The following CSMD3 variants were observed in gnomAD, a reference collection of about 807,000 sequenced individuals.
CSMD3 encodes the protein CUB and sushi domain-containing protein 3.
CSMD3 carries 177 observed loss-of-function variants against 435.2 expected under a neutral mutation model. That is an observed-to-expected ratio of 0.41 (90% confidence interval 0.36 to 0.46). CSMD3 has a LOEUF of 0.46. Ranked by LOEUF, CSMD3 falls within the 20% of genes least tolerant of loss-of-function variation. The pLI, the probability that CSMD3 is intolerant of heterozygous loss-of-function variation, is 0.34. For missense variants in CSMD3, 4,265 were observed against 4,504.6 expected (o/e 0.95, Z 1.52); for synonymous variants, 1,656 against 1,520.5 (o/e 1.09, Z -2.07).
At chr8:112,546,148 G>A (rs1165462481) in intron 27 of CSMD3, among the ~76,000 whole-genome samples, 1 of 152,154 alleles carries the variant, frequency 6.6e-6, no homozygotes, top group Non-Finnish European at 1.5e-5. Context: ...TAGACCTCTG[G>A]ATGTATATAA....
chr8:113,070,443 T>G (rs1310917894), intron 5 of CSMD3, among the ~76,000 whole-genome samples: 1 of 152,012 alleles, frequency 6.6e-6, no homozygotes, highest in African/African-American at 2.4e-5. Flanking sequence ...TGCTTTTGTG[T>G]GGGGGGAGGG....
intron 10 of CSMD3, among the ~76,000 whole-genome samples, chr8:112,899,998 AT>A (rs1564082329): frequency 6.6e-6 from 1 of 151,128 alleles, no homozygotes; most frequent in Non-Finnish European, 1.5e-5. Context: ...CTGATTTCTT[AT>A]TTGTAATTCC....
rs575082800 is a variant in CSMD3 at position 113,364,223 on chromosome 8, C to A, written c.179-49430G>T. On this transcript the variant is annotated intron_variant, in intron 1 of 70. Coordinates refer to ENST00000297405, the MANE Select transcript of CSMD3 (RefSeq NM_198123.2). ...CTGTTAGAGTGTGATGTAGGGCAATCTCCTAAAGGAATTAGACTAAATTTT... is the reference window on the plus strand; with the variant it reads ...CTGTTAGAGTGTGATGTAGGGCAATATCCTAAAGGAATTAGACTAAATTTT... Among the ~76,000 whole-genome samples the A allele has an allele frequency of 9.9e-5, 15 of 151,398 alleles. No individual in the cohort carries two copies. The South Asian group carries it at 2.9e-3, about 29-fold the overall frequency.
chr8:113,095,648 C>A (rs1217022467), intron 5 of CSMD3, among the ~76,000 whole-genome samples: 1 of 151,832 alleles, frequency 6.6e-6, no homozygotes, highest in Non-Finnish European at 1.5e-5. Context: ...TTCAACCAAT[C>A]ACAGATCAAA....
chr8:113,131,718 T>A (rs1293139595), intron 4 of CSMD3, among the ~76,000 whole-genome samples: 3 of 152,124 alleles, frequency 2.0e-5, no homozygotes, highest in Non-Finnish European at 4.4e-5. Flanking sequence ...AAAGGGACAC[T>A]GTCTTCCACA....
chr8:112,887,574 C>A (rs2081643101), intron 10 of CSMD3, among the ~76,000 whole-genome samples: 1 of 150,912 alleles, frequency 6.6e-6, no homozygotes, highest in Non-Finnish European at 1.5e-5. Context: ...TTTCTTAATT[C>A]CCTGGTCCTT....
At chr8:112,828,728 A>T (rs1458577488) in intron 12 of CSMD3, among the ~76,000 whole-genome samples, 1 of 152,206 alleles carries the variant, frequency 6.6e-6, no homozygotes, top group African/African-American at 2.4e-5. Context: ...ACACCTTAGG[A>T]AACACAAAAC....
intron 25 of CSMD3, 64 bp from the exon 26 acceptor site, chr8:112,552,784 A>C: frequency 2.7e-6 from 4 of 1,465,484 alleles, no homozygotes; most frequent in Non-Finnish European, 3.8e-6. Context: ...ACAATCTACA[A>C]ATTTCTCATG....
intron 1 of CSMD3, among the ~76,000 whole-genome samples, chr8:113,423,262 T>C (rs2094618166): frequency 6.6e-6 from 1 of 152,108 alleles, no homozygotes; most frequent in African/African-American, 2.4e-5. Context: ...CAACCTGATA[T>C]ACACATTACA....
At chr8:113,253,162 A>G (rs1201828593) in intron 3 of CSMD3, among the ~76,000 whole-genome samples, 1 of 152,108 alleles carries the variant, frequency 6.6e-6, no homozygotes, top group Admixed American at 6.6e-5. Flanking sequence ...AGTACCCAAG[A>G]TAGTTCAGTT....
chr8:113,398,053 T>C (rs936420132), intron 1 of CSMD3, among the ~76,000 whole-genome samples: 2 of 152,104 alleles, frequency 1.3e-5, no homozygotes, highest in African/African-American at 4.8e-5. Context: ...TGTAGGTACA[T>C]AGTGAATGCT....
At chr8:112,911,825 CAT>C (rs1366442423) in intron 10 of CSMD3, among the ~76,000 whole-genome samples, 1 of 123,246 alleles carries the variant, frequency 8.1e-6, no homozygotes, top group Non-Finnish European at 1.6e-5. Context: ...TGTAATATAA[CAT>C]ATATACATTA....
chr8:113,378,762 AGTGTGTGT>A (rs5894145), intron 1 of CSMD3, among the ~76,000 whole-genome samples: 2 of 148,268 alleles, frequency 1.3e-5, no homozygotes, highest in East Asian at 4.0e-4. Flanking sequence ...GTCACACTGA[AGTGTGTGT>A]GTGTGTGTGT....
At chr8:112,474,191 C>G (rs1190732722) in intron 31 of CSMD3, among the ~76,000 whole-genome samples, 1 of 151,940 alleles carries the variant, frequency 6.6e-6, no homozygotes, top group Non-Finnish European at 1.5e-5. Flanking sequence ...GAGTTACAAA[C>G]AAAACAAAAA....
chr8:112,978,861 A>G (rs2084946055), intron 6 of CSMD3, among the ~76,000 whole-genome samples: 1 of 151,934 alleles, frequency 6.6e-6, no homozygotes, highest in African/African-American at 2.4e-5. Flanking sequence ...AGCACATAGT[A>G]GATGCTCCAG....
intron 13 of CSMD3, among the ~76,000 whole-genome samples, chr8:112,783,545 A>G (rs1411476385): frequency 6.6e-6 from 1 of 151,808 alleles, no homozygotes. Flanking sequence ...GGAAGATTAT[A>G]AAACAACTAG....
At chr8:112,388,482 G>C (rs555546625) in intron 36 of CSMD3, among the ~76,000 whole-genome samples, 1 of 152,120 alleles carries the variant, frequency 6.6e-6, no homozygotes. Flanking sequence ...TCATTGTACC[G>C]AGTAAGAGTC....
intron 3 of CSMD3, among the ~76,000 whole-genome samples, chr8:113,240,786 C>T (rs1471533387): frequency 6.6e-6 from 1 of 152,042 alleles, no homozygotes; most frequent in African/African-American, 2.4e-5. Flanking sequence ...TTTTCACTTC[C>T]AAATTATTCT....
intron 49 of CSMD3, among the ~76,000 whole-genome samples, 176 bp from the exon 50 acceptor site, chr8:112,311,342 A>G (rs1409567031): frequency 6.6e-6 from 1 of 152,192 alleles, no homozygotes; most frequent in African/African-American, 2.4e-5. Context: ...TGATCTACTG[A>G]CACAACTTTT....
Sources: allele counts gnomAD v4.1 joint callset (sites outside exome capture counted in the v4.1 genomes callset), GRCh38; gene constraint gnomAD v4.1.1; transcripts MANE v1.5; gene names NCBI Gene and HGNC (gene_info 2026-07-23, HGNC 2026-07-21).